The following RELN variants were observed in gnomAD, a reference collection of about 807,000 sequenced individuals.
RELN encodes the protein reelin.
A neutral mutation model predicts 427.6 loss-of-function variants in RELN; 108 were observed. The observed-to-expected ratio is 0.25, with a 90% confidence interval of 0.22 to 0.30. RELN has a LOEUF of 0.30. Ranked by LOEUF, RELN falls within the 10% of genes least tolerant of loss-of-function variation. RELN has a pLI of 1.00. For missense variants in RELN, 3,715 were observed against 4,302.8 expected, an observed-to-expected ratio of 0.86 and a Z score of 3.82; for synonymous variants, 1,524 against 1,513.4, an observed-to-expected ratio of 1.01 and a Z score of -0.16.
At chr7:103,934,529 T>G (rs1795937395) in intron 1 of RELN, among the ~76,000 whole-genome samples, 1 of 152,184 alleles carries the variant, frequency 6.6e-6, no homozygotes, top group Non-Finnish European at 1.5e-5. Flanking sequence ...CTTCCCAGCC[T>G]CAGAATCACA....
At chr7:103,936,955 G>A (rs1344540866) in intron 1 of RELN, among the ~76,000 whole-genome samples, 1 of 151,998 alleles carries the variant, frequency 6.6e-6, no homozygotes, top group East Asian at 1.9e-4. Context: ...TATTTCATTT[G>A]TTCTTTTAAA....
intron 28 of RELN, among the ~76,000 whole-genome samples, chr7:103,587,338 T>G (rs1161326151): frequency 6.6e-6 from 1 of 152,192 alleles, no homozygotes; most frequent in Non-Finnish European, 1.5e-5. Context: ...TGCAGAAGAA[T>G]GAAACTGGAC....
chr7:103,495,460 T>C (rs1828811785), intron 57 of RELN, among the ~76,000 whole-genome samples: 1 of 145,226 alleles, frequency 6.9e-6, no homozygotes, highest in Non-Finnish European at 1.5e-5. Context: ...ATGGTTCCAC[T>C]GCACCCGGCC....
intron 1 of RELN, among the ~76,000 whole-genome samples, chr7:103,963,041 C>T (rs555654652): frequency 8.6e-5 from 13 of 151,984 alleles, no homozygotes; most frequent in Admixed American, 2.6e-4. Flanking sequence ...AGGAGACAGA[C>T]GTAAGCCAGT....
chr7:103,792,879 T>TA (rs1228714545), intron 3 of RELN, among the ~76,000 whole-genome samples: 1 of 152,156 alleles, frequency 6.6e-6, no homozygotes, highest in African/African-American at 2.4e-5. Context: ...AGCATAATAA[T>TA]ACTGGGGACA....
At chr7:103,517,853 A>G (rs35158308) in intron 49 of RELN, among the ~76,000 whole-genome samples, 1 of 152,242 alleles carries the variant, frequency 6.6e-6, no homozygotes, top group Non-Finnish European at 1.5e-5. Context: ...GCCCAGAATA[A>G]AGACAGCATG....
intron 4 of RELN, among the ~76,000 whole-genome samples, chr7:103,764,558 C>T (rs555125964): frequency 9.2e-5 from 14 of 152,070 alleles, no homozygotes; most frequent in African/African-American, 3.4e-4. Context: ...AAAAAGAAGG[C>T]CAGGCATGGT....
intron 1 of RELN, among the ~76,000 whole-genome samples, chr7:103,954,471 TAA>T (rs1796395454): frequency 6.6e-6 from 1 of 152,118 alleles, no homozygotes; most frequent in Non-Finnish European, 1.5e-5. Flanking sequence ...CACACATGCA[TAA>T]GTTATTTACT....
intron 1 of RELN, among the ~76,000 whole-genome samples, chr7:103,934,291 G>A (rs1327212304): frequency 6.6e-6 from 1 of 152,066 alleles, no homozygotes; most frequent in Non-Finnish European, 1.5e-5. Flanking sequence ...AGATTATCTA[G>A]GCATTTGTCT....
At chr7:103,832,911 A>G (rs1293819263) in intron 3 of RELN, among the ~76,000 whole-genome samples, 1 of 152,152 alleles carries the variant, frequency 6.6e-6, no homozygotes. Context: ...AGCATTTTGT[A>G]ACCCGTCTTC....
chr7:103,616,201 T>C (rs2215537), intron 20 of RELN, among the ~76,000 whole-genome samples: 22,524 of 151,962 alleles, frequency 0.15, 1,896 homozygotes, highest in African/African-American at 0.22. Flanking sequence ...TTTTCAAGGG[T>C]CCCACAGAAA....
chr7:103,824,511 T>TA lies in RELN; in HGVS notation c.473+9025dup, dbSNP rs1336914187. ...AGGTTAAAACTCCAGATCTAGGACC[T>TA]AAATCAGGTTTAAGAGACCTGCAGG... On this transcript the variant is annotated intron_variant, in intron 3 of 64. Coordinates refer to ENST00000428762, the MANE Select transcript of RELN (RefSeq NM_005045.4). The surrounding 1 kb of genome is among the most constrained non-coding windows in gnomAD (Gnocchi z 4.4). Among the ~76,000 whole-genome samples the TA allele has an allele frequency of 6.6e-6, 1 of 152,054 alleles. No homozygotes were observed. Among genetic ancestry groups the TA allele is most frequent in the Non-Finnish European group, 1.5e-5 (1 of 68,000 alleles).
At chr7:103,761,427 T>C (rs1229742622) in intron 4 of RELN, among the ~76,000 whole-genome samples, 1 of 152,100 alleles carries the variant, frequency 6.6e-6, no homozygotes, top group African/African-American at 2.4e-5. Flanking sequence ...AACAATATCA[T>C]TTGAATTGTT....
At chr7:103,540,094 C>A in intron 44 of RELN, 103 bp downstream of exon 44, 1 of 1,320,570 alleles carries the variant, frequency 7.6e-7, no homozygotes, top group South Asian at 1.2e-5. Context: ...ACTGTCAGTT[C>A]TGGGTTTCAT....
intron 16 of RELN, among the ~76,000 whole-genome samples, chr7:103,645,517 GA>G (rs1237538298): frequency 2.0e-5 from 3 of 151,328 alleles, no homozygotes; most frequent in Non-Finnish European, 4.4e-5. Flanking sequence ...AAATCAACAA[GA>G]AAAAAATAAG....
rs79959912 is a variant in RELN at position 103,903,397 on chromosome 7, T to A, written c.337+13678A>T. ...ACTTATGTTCCAGAATTCTTAAACT[T>A]TGGCACATGAGAAAGTATCCCATGT... On this transcript the variant is annotated intron_variant, in intron 2 of 64. Transcript: ENST00000428762. 3.4e-3 allele frequency among the ~76,000 whole-genome samples: 524 copies of A among 152,222 alleles called. 9 individuals are homozygous for A. In the East Asian group the frequency reaches 0.054, roughly 16 times the overall value.
At chr7:103,900,240 A>T (rs966379806) in intron 2 of RELN, among the ~76,000 whole-genome samples, 1 of 152,018 alleles carries the variant, frequency 6.6e-6, no homozygotes, top group African/African-American at 2.4e-5. Flanking sequence ...AACTTAGAAG[A>T]TATGTGAAGG....
intron 62 of RELN, among the ~76,000 whole-genome samples, chr7:103,483,233 G>A (rs1828304429): frequency 6.6e-6 from 1 of 152,126 alleles, no homozygotes; most frequent in African/African-American, 2.4e-5. Context: ...GGTCAAGCAT[G>A]GAGTGCTTTC....
In RELN at chr7:103,565,176, A is replaced by G. The variant is rs1229522941; in HGVS notation, c.5210+102T>C. 4 of 1,435,524 alleles carry G rather than the reference A, an allele frequency of 2.8e-6. No homozygotes were observed. In the East Asian group the frequency reaches 9.1e-5, roughly 33 times the overall value. 88.9% of individuals were successfully genotyped at this position (1,435,524 alleles called of 1,614,324 possible). The stretch of plus-strand genomic sequence containing the variant: ...CTTCCTGGCACTTCCATGCATAATT[A>G]TCATGAAAGAATAATAGAATCCCCA... On this transcript the variant is annotated intron_variant, in intron 34 of 64. Transcript: ENST00000428762.
Sources: allele counts gnomAD v4.1 joint callset (sites outside exome capture counted in the v4.1 genomes callset), GRCh38; gene constraint gnomAD v4.1.1; non-coding constraint Gnocchi (gnomAD v3.1); transcripts MANE v1.5; gene names NCBI Gene and HGNC (gene_info 2026-07-23, HGNC 2026-07-21).